EXOC1: variants seen among roughly 807,000 people sequenced by gnomAD.
EXOC1 encodes SEC3-like 1.
A neutral mutation model predicts 107.7 loss-of-function variants in EXOC1; 67 were observed. The ratio of observed to expected loss-of-function variants is 0.62; its 90% CI spans 0.51 to 0.76. The LOEUF (loss-of-function observed/expected upper bound fraction) is 0.76. Ranked by LOEUF, EXOC1 falls within the 30% of genes least tolerant of loss-of-function variation. The probability of loss-of-function intolerance (pLI) is 0.00; values close to 1 mark genes in which losing one functional copy is unlikely to be tolerated. For missense variants in EXOC1, 833 were observed against 1,055.7 expected, an observed-to-expected ratio of 0.79 and a Z score of 2.92; for synonymous variants, 348 against 353.5, an observed-to-expected ratio of 0.98 and a Z score of 0.17.
chr4:55,859,174 T>C (rs1721253900), intron 2 of EXOC1, among the ~76,000 whole-genome samples: 1 of 152,190 alleles, frequency 6.6e-6, no homozygotes, highest in Non-Finnish European at 1.5e-5. Context: ...CAGACTTTGT[T>C]GGGATTTTGA....
chr4:55,890,522 C>G lies in EXOC1; in HGVS notation c.1539+136C>G, dbSNP rs1316200489. 1.0e-5 allele frequency: 4 copies of G among 386,618 alleles called. No individual in the cohort carries two copies. The East Asian group carries it at 1.2e-4, about 11-fold the overall frequency. 23.9% of individuals were successfully genotyped at this position (386,618 alleles called of 1,614,324 possible). Reference sequence around the variant, plus strand: ...ATTAACCATGTCTTTCCAACTGAATCGAATCTGGGAAAAAAAAAAAAAAAA... The same window carrying G: ...ATTAACCATGTCTTTCCAACTGAATGGAATCTGGGAAAAAAAAAAAAAAAA... On this transcript the variant is annotated intron_variant, in intron 12 of 18. Coordinates refer to ENST00000381295, the MANE Select transcript of EXOC1 (RefSeq NM_001024924.2).
In EXOC1 at chr4:55,856,295, G is replaced by A. The variant is rs138580165; in HGVS notation, c.-10-2019G>A. Among the ~76,000 whole-genome samples the A allele has an allele frequency of 7.8e-3, 1,185 of 152,328 alleles. 6 individuals carry two copies. Among genetic ancestry groups the A allele is most frequent in the African/African-American group, 0.027 (1,111 of 41,572 alleles). ...GGTCTACAAACAGGGTGAAATAATT[G>A]TAGGGGATAGTTTAGGTATAGGGAA... On this transcript the variant is annotated intron_variant, in intron 1 of 18. Coordinates refer to ENST00000381295, the MANE Select transcript of EXOC1 (RefSeq NM_001024924.2).
intron 4 of EXOC1, chr4:55,866,799 C>G: frequency 3.3e-6 from 3 of 903,370 alleles, no homozygotes; most frequent in Non-Finnish European, 4.0e-6. Context: ...AAATTTAAGC[C>G]TGTTTACTTT....
At chr4:55,896,967 C>T (rs1257407549) in intron 16 of EXOC1, 67 bp downstream of exon 16, 14 of 1,319,630 alleles carry the variant, frequency 1.1e-5, no homozygotes, top group Non-Finnish European at 5.2e-6. Flanking sequence ...ACTAAGAAAT[C>T]GGGAGCAGAT....
At chr4:55,856,655 G>A (rs1490928143) in intron 1 of EXOC1, among the ~76,000 whole-genome samples, 1 of 152,060 alleles carries the variant, frequency 6.6e-6, no homozygotes, top group Non-Finnish European at 1.5e-5. Context: ...TCACATGTAT[G>A]AAATACTACA....
chr4:55,874,376 G>A (rs1015715575), intron 8 of EXOC1, among the ~76,000 whole-genome samples: 1 of 152,006 alleles, frequency 6.6e-6, no homozygotes, highest in African/African-American at 2.4e-5. Flanking sequence ...CCTTTAAAAA[G>A]AAATACTATT....
At chr4:55,866,456 G>A (rs1425335616) in intron 4 of EXOC1, among the ~76,000 whole-genome samples, 1 of 151,692 alleles carries the variant, frequency 6.6e-6, no homozygotes, top group Non-Finnish European at 1.5e-5. Context: ...ACCATGTTTT[G>A]TGACTAATCC....
chr4:55,896,408 T>C (rs1007810160), intron 15 of EXOC1, among the ~76,000 whole-genome samples: 15 of 152,182 alleles, frequency 9.9e-5, no homozygotes, highest in Non-Finnish European at 2.2e-4. Flanking sequence ...CCTCCCAAAG[T>C]GCTGGGATTA....
chr4:55,861,969 G>A (rs550074678), intron 3 of EXOC1, among the ~76,000 whole-genome samples: 1 of 151,476 alleles, frequency 6.6e-6, no homozygotes, highest in Non-Finnish European at 1.5e-5. Context: ...CAAGAGAATT[G>A]CTTGAACCTG....
At chr4:55,863,109 A>G (rs1451626828) in intron 3 of EXOC1, among the ~76,000 whole-genome samples, 1 of 152,082 alleles carries the variant, frequency 6.6e-6, no homozygotes, top group Non-Finnish European at 1.5e-5. Flanking sequence ...CATGTTGCCC[A>G]GGCCAGTCTC....
chr4:55,866,990 C>A, intron 4 of EXOC1: 4 of 607,494 alleles, frequency 6.6e-6, no homozygotes, highest in Non-Finnish European at 8.2e-6. Context: ...TGTACTGGGA[C>A]AAATTTATTT....
chr4:55,877,769 GTTT>G, intron 8 of EXOC1, 145 bp from the exon 9 acceptor site: 1 of 1,439,070 alleles, frequency 6.9e-7, no homozygotes, highest in Non-Finnish European at 9.1e-7. Context: ...TAAGTATTTG[GTTT>G]TTATTTTTCT....
In EXOC1 at chr4:55,858,327, A is replaced by G. The variant is rs768562173; in HGVS notation, c.4A>G (p.Thr2Ala). 6.2e-6 allele frequency: 10 copies of G among 1,604,636 alleles called. No individual in the cohort carries two copies. Among genetic ancestry groups the G allele is most frequent in the Non-Finnish European group, 8.5e-6 (10 of 1,176,018 alleles). Residue 2 changes from threonine to alanine, a missense_variant, in exon 2 of 19, where the codon ACA (threonine) becomes GCA (alanine). Physicochemically the swap from Thr to Ala is moderately conservative, Grantham distance 58. Around this residue, in one of 2 missense-constraint regions of EXOC1, gnomAD observed 617 missense variants for 701.3 expected, o/e 0.88. Transcript: ENST00000381295. M[T>A]AIKHALQRDI... ...CACATTTTTCAGCTGAGAAAAGATG[A>G]CAGCAATCAAGCATGCATTACAAAG... is the stretch of plus-strand genomic sequence containing the variant.
intron 4 of EXOC1, among the ~76,000 whole-genome samples, chr4:55,866,401 G>A (rs1721961798): frequency 6.6e-6 from 1 of 151,970 alleles, no homozygotes; most frequent in African/African-American, 2.4e-5. Context: ...GGCTTGAACT[G>A]TTATTTTGTG....
intron 12 of EXOC1, 33 bp from the exon 13 acceptor site, chr4:55,891,282 C>A: frequency 7.2e-7 from 1 of 1,383,500 alleles, no homozygotes; most frequent in South Asian, 1.2e-5. Flanking sequence ...TGGTGCAGTT[C>A]TTTCGTTATA....
intron 15 of EXOC1, 150 bp downstream of exon 15, chr4:55,893,930 A>C: frequency 1.5e-6 from 1 of 668,088 alleles, no homozygotes; most frequent in East Asian, 2.7e-5. Context: ...ATCTACATGA[A>C]CAGAGTTAGT....
At chr4:55,876,707 G>T in intron 8 of EXOC1, 1 of 985,328 alleles carries the variant, frequency 1.0e-6, no homozygotes, top group Non-Finnish European at 1.2e-6. Context: ...GCCATCTCTA[G>T]TTCAGTTTCC....
intron 11 of EXOC1, 126 bp from the exon 12 acceptor site, chr4:55,890,097 T>A: frequency 1.2e-6 from 1 of 815,754 alleles, no homozygotes; most frequent in Non-Finnish European, 1.9e-6. Flanking sequence ...TATAGAAGAT[T>A]TGTGCACTAA....
At chr4:55,886,692 A>G (rs1723925004) in intron 10 of EXOC1, among the ~76,000 whole-genome samples, 2 of 152,062 alleles carry the variant, frequency 1.3e-5, no homozygotes, top group Non-Finnish European at 2.9e-5. Flanking sequence ...AAAATTAAGT[A>G]ATTATAAATG....
Sources: gnomAD v4.1 joint callset for allele counts (sites outside exome capture counted in the v4.1 genomes callset) on GRCh38, gnomAD v4.1.1 for gene constraint, gnomAD v4.1.1 regional missense constraint, MANE v1.5 for transcripts, NCBI Gene and HGNC (gene_info 2026-07-23, HGNC 2026-07-21) for gene names.